PSMD13: variants seen among roughly 807,000 people sequenced by gnomAD.
PSMD13 encodes the protein 26S proteasome non-ATPase regulatory subunit 13.
PSMD13 carries 8 observed loss-of-function variants against 57.4 expected under a neutral mutation model. The observed-to-expected ratio is 0.14, with a 90% confidence interval of 0.08 to 0.25. The LOEUF (loss-of-function observed/expected upper bound fraction) is 0.25, where lower values mean the gene tolerates loss of function less well. PSMD13 is among the 10% of genes least tolerant of loss of function. The pLI, the probability that PSMD13 is intolerant of heterozygous loss-of-function variation, is 1.00. For synonymous variants in PSMD13, 193 were observed against 168.2 expected, an observed-to-expected ratio of 1.15 and a Z score of -1.14; for missense variants, 400 against 461.5, an observed-to-expected ratio of 0.87 and a Z score of 1.22.
At chr11:237,833 A>G (rs1859377250) in intron 1 of PSMD13, among the ~76,000 whole-genome samples, 1 of 152,264 alleles carries the variant, frequency 6.6e-6, no homozygotes, top group South Asian at 2.1e-4. Flanking sequence ...CCTCCTTTTA[A>G]TATGAGTAGA....
chr11:248,017 C>T (rs1056482067), intron 7 of PSMD13: 1 of 152,630 alleles, frequency 6.6e-6, no homozygotes, highest in East Asian at 1.9e-4. Flanking sequence ...TTACCTAAGC[C>T]ACAGGTATTT....
chr11:237,994 A>G (rs1284957202), intron 1 of PSMD13, among the ~76,000 whole-genome samples: 2 of 152,238 alleles, frequency 1.3e-5, no homozygotes, highest in Admixed American at 6.5e-5. Context: ...GCCTTCTGCT[A>G]TTAGCAGTTT....
At position 248,989 on chromosome 11, in the gene PSMD13, A is replaced by G; in HGVS notation, c.706A>G (p.Thr236Ala). Residue 236 changes from threonine (T) to alanine (A), a missense_variant, in exon 9 of 13, where the codon ACC (threonine) becomes GCC (alanine). Thr to Ala is a moderately conservative substitution (Grantham distance 58). Coordinates refer to ENST00000532097, the MANE Select transcript of PSMD13 (RefSeq NM_002817.4). ...TACTGACCGGCAGTGGCTGATTGAC[A>G]CCCTCTATGCCTTCAACAGTGGCAA... ...RNTDRQWLIDTLYAFNSGNVE... is the reference protein window; with the variant it reads ...RNTDRQWLIDALYAFNSGNVE... 1 of 1,613,992 alleles carries G rather than the reference A, an allele frequency of 6.2e-7. No individual in the cohort carries two copies. The highest frequency in any genetic ancestry group is 1.1e-5 in the South Asian group (1 of 91,062).
intron 1 of PSMD13, 24 bp downstream of exon 1, chr11:237,168 T>C (rs763093879): frequency 1.1e-5 from 17 of 1,594,410 alleles, no homozygotes; most frequent in Non-Finnish European, 1.5e-5. Flanking sequence ...AGACGGGCCC[T>C]GGGCCCCGGC....
At chr11:249,637 A>G (rs1859734374) in intron 9 of PSMD13, among the ~76,000 whole-genome samples, 1 of 145,150 alleles carries the variant, frequency 6.9e-6, no homozygotes. Flanking sequence ...AGGTCCATGC[A>G]GGGAGAACAG....
chr11:243,390 G>A, intron 2 of PSMD13: 1 of 323,168 alleles, frequency 3.1e-6, no homozygotes, highest in South Asian at 2.8e-5. Context: ...TGAATCTCTA[G>A]CTGTAGGATT....
intron 6 of PSMD13, among the ~76,000 whole-genome samples, chr11:246,210 T>C (rs1310835463): frequency 6.6e-6 from 1 of 152,176 alleles, no homozygotes; most frequent in Admixed American, 6.5e-5. Flanking sequence ...AGTCTCCTAT[T>C]GAAGAGATTT....
At chr11:250,936 C>A in intron 10 of PSMD13, 71 bp downstream of exon 10, 2 of 1,347,236 alleles carry the variant, frequency 1.5e-6, no homozygotes, top group Non-Finnish European at 1.1e-6. Context: ...CTGCACTCTC[C>A]AAGCCTGTGC....
chr11:246,170 T>A (rs1392634948), intron 6 of PSMD13, among the ~76,000 whole-genome samples: 1 of 152,204 alleles, frequency 6.6e-6, no homozygotes, highest in African/African-American at 2.4e-5. Flanking sequence ...CGGTATTTCA[T>A]TGTATAAGTG....
At chr11:248,511 A>C in intron 7 of PSMD13, 2 of 477,588 alleles carry the variant, frequency 4.2e-6, no homozygotes, top group Non-Finnish European at 7.5e-6. Flanking sequence ...CACTTCCTGG[A>C]AGTGGCACAG....
chr11:238,632 C>T (rs568579498), intron 1 of PSMD13, among the ~76,000 whole-genome samples: 24 of 152,138 alleles, frequency 1.6e-4, no homozygotes, highest in African/African-American at 5.1e-4. Context: ...GATGGCGCCA[C>T]TGCACTACAG....
chr11:252,620 G>C lies in PSMD13; in HGVS notation c.*20G>C. The C allele has an allele frequency of 6.2e-7, 1 of 1,611,368 alleles. No individual in the cohort carries two copies. The highest frequency in any genetic ancestry group is 8.5e-7 in the Non-Finnish European group (1 of 1,177,724). On this transcript the variant is annotated 3_prime_UTR_variant, in exon 13 of 13. Transcript: ENST00000532097. The surrounding 1 kb of genome is among the most constrained non-coding windows in gnomAD (Gnocchi z 4.1). Reference sequence around the variant, plus strand: ...ACCTAGGGCCCCCTGGTTCCCCGTCGTGTCTCCTTTGACTCACCTGAGAGA... The same window carrying C: ...ACCTAGGGCCCCCTGGTTCCCCGTCCTGTCTCCTTTGACTCACCTGAGAGA...
At chr11:241,446 C>T (rs1424111452) in intron 2 of PSMD13, among the ~76,000 whole-genome samples, 1 of 152,172 alleles carries the variant, frequency 6.6e-6, no homozygotes, top group Non-Finnish European at 1.5e-5. Context: ...ACAAAAATGC[C>T]ATTTTATTTA....
chr11:252,357 A>G lies in PSMD13; in HGVS notation c.1036-148A>G, dbSNP rs1859780997. The G allele has an allele frequency of 4.3e-6, 3 of 699,490 alleles. No individual in the cohort carries two copies. Among genetic ancestry groups the G allele is most frequent in the Non-Finnish European group, 7.5e-6 (3 of 399,274 alleles). 43.3% of individuals were successfully genotyped at this position (699,490 alleles called of 1,614,324 possible). A position where few individuals can be genotyped will look rare whatever the true frequency, so the allele number is the denominator to read the frequency against. On this transcript the variant is annotated intron_variant, in intron 12 of 12. Coordinates refer to ENST00000532097, the MANE Select transcript of PSMD13 (RefSeq NM_002817.4). This position sits in a 1 kb window ranked among gnomAD's most constrained non-coding sequence, Gnocchi z 4.1. ...GAATTAACCCGGCAAGTCCCGTCCC[A>G]CTCCCCCAGCTCAGAGGTCCTTTTT... is the stretch of plus-strand genomic sequence containing the variant.
Position 250,836 on chromosome 11 carries a change from A to C in PSMD13, c.808A>C (p.Arg270=). Residue 270 remains arginine (R), a synonymous_variant, in exon 10 of 13, where the codon AGG becomes CGG. Transcript: ENST00000532097. ...AGCAGCTAATGAAGCCCAGCTTCTG[A>C]GGAAAATTCAGTTGTTGTGCCTCAT... ...DLAANEAQLL[R]KIQLLCLMEM... is the part of the protein sequence containing the mutation. 6.2e-7 allele frequency: 1 copy of C among 1,614,044 alleles called. No homozygotes were observed. The highest frequency in any genetic ancestry group is 8.5e-7 in the Non-Finnish European group (1 of 1,179,988).
chr11:242,340 TA>T, intron 2 of PSMD13, among the ~76,000 whole-genome samples: 1 of 150,820 alleles, frequency 6.6e-6, no homozygotes, highest in East Asian at 1.9e-4. Context: ...TAGCTTTAAT[TA>T]AAATCTGAAG....
intron 6 of PSMD13, among the ~76,000 whole-genome samples, chr11:245,673 T>TGTTTGC (rs1554895611): frequency 5.9e-5 from 8 of 136,518 alleles, no homozygotes; most frequent in Non-Finnish European, 1.1e-4. Context: ...TGTGTGTGTG[T>TGTTTGC]GTGTGTGTTT....
intron 6 of PSMD13, among the ~76,000 whole-genome samples, chr11:246,054 G>A (rs1260324814): frequency 1.3e-5 from 2 of 152,052 alleles, no homozygotes; most frequent in Admixed American, 6.6e-5. Flanking sequence ...GCATTTCCTT[G>A]TCCTTCATTA....
At chr11:244,971 C>T (rs1489649557) in intron 6 of PSMD13, among the ~76,000 whole-genome samples, 4 of 144,678 alleles carry the variant, frequency 2.8e-5, no homozygotes, top group Admixed American at 7.3e-5. Context: ...GACGGAGTCT[C>T]GCTCTGTTTC....
Sources: allele counts gnomAD v4.1 joint callset (sites outside exome capture counted in the v4.1 genomes callset), GRCh38; gene constraint gnomAD v4.1.1; non-coding constraint Gnocchi (gnomAD v3.1); transcripts MANE v1.5; gene names NCBI Gene and HGNC (gene_info 2026-07-23, HGNC 2026-07-21).